The following TRMT11 variants were observed in gnomAD, a reference collection of about 807,000 sequenced individuals.
TRMT11 encodes tRNA (guanine(10)-N(2))-methyltransferase TRMT11.
A neutral mutation model predicts 62.8 loss-of-function variants in TRMT11; 53 were observed. That is an observed-to-expected ratio of 0.84 (90% CI 0.68 to 1.06). TRMT11 has a LOEUF of 1.06. Among genes scored for constraint, TRMT11 ranks in the 50% least tolerant of loss-of-function variants. The probability of loss-of-function intolerance (pLI) is 0.00; values close to 1 mark genes in which losing one functional copy is unlikely to be tolerated. For synonymous variants in TRMT11, 188 were observed against 190.3 expected (o/e 0.99, Z 0.10); for missense variants, 556 against 553.4 (o/e 1.00, Z -0.05).
chr6:126,077,823 A>G (rs1248583304), intron 17 of TRMT11, among the ~76,000 whole-genome samples: 1 of 152,208 alleles, frequency 6.6e-6, no homozygotes, highest in Non-Finnish European at 1.5e-5. Context: ...TCAGTATATT[A>G]TTAATACTAA....
chr6:126,130,239 G>A (rs748472469), intron 21 of TRMT11, among the ~76,000 whole-genome samples: 3 of 152,048 alleles, frequency 2.0e-5, no homozygotes, highest in Admixed American at 1.3e-4. Flanking sequence ...GAACAACAGC[G>A]GGGTCTTTGT....
intron 12 of TRMT11, among the ~76,000 whole-genome samples, chr6:126,032,622 A>G (rs1360681891): frequency 6.6e-6 from 1 of 152,034 alleles, no homozygotes; most frequent in Non-Finnish European, 1.5e-5. Flanking sequence ...CCGCTTCTGG[A>G]TAGGTGTTTC....
intron 12 of TRMT11, among the ~76,000 whole-genome samples, chr6:126,035,616 G>A (rs1364782680): frequency 6.6e-6 from 1 of 152,028 alleles, no homozygotes; most frequent in Non-Finnish European, 1.5e-5. Flanking sequence ...CTTTGCCACC[G>A]TGTCCCCATA....
chr6:126,058,503 T>C (rs564912933), intron 17 of TRMT11, among the ~76,000 whole-genome samples: 12 of 152,316 alleles, frequency 7.9e-5, no homozygotes, highest in African/African-American at 2.6e-4. Flanking sequence ...ATGGTATTTC[T>C]AGTTCTAGAT....
chr6:126,107,136 A>T (rs1363873937), intron 17 of TRMT11, among the ~76,000 whole-genome samples: 1 of 152,154 alleles, frequency 6.6e-6, no homozygotes, highest in Non-Finnish European at 1.5e-5. Context: ...ATTTCTAATT[A>T]CTTCTAAGTG....
At chr6:126,028,904 A>T (rs1351238588) in intron 12 of TRMT11, among the ~76,000 whole-genome samples, 4 of 152,164 alleles carry the variant, frequency 2.6e-5, no homozygotes, top group Admixed American at 2.6e-4. Flanking sequence ...TGGTTCCAGC[A>T]TGTTTTTAAG....
downstream of TRMT11, among the ~76,000 whole-genome samples, chr6:126,039,901 G>T (rs1313641333): frequency 6.6e-6 from 1 of 151,998 alleles, no homozygotes; most frequent in South Asian, 2.1e-4. Flanking sequence ...TGCTGCCCAA[G>T]CAAAGAGACA....
intron 21 of TRMT11, among the ~76,000 whole-genome samples, chr6:126,127,989 T>C (rs1263014017): frequency 2.0e-5 from 3 of 152,080 alleles, no homozygotes; most frequent in Non-Finnish European, 4.4e-5. Context: ...TTTTAAAAAT[T>C]AAAATCACAA....
At chr6:126,024,770 GTCTCC>G (rs1442896457) in intron 12 of TRMT11, among the ~76,000 whole-genome samples, 4 of 152,028 alleles carry the variant, frequency 2.6e-5, no homozygotes, top group African/African-American at 9.7e-5. Flanking sequence ...ATGCTTTTTT[GTCTCC>G]TCTCCTAGTC....
intron 1 of TRMT11, among the ~76,000 whole-genome samples, chr6:126,178,619 A>C (rs1412035349): frequency 6.6e-6 from 1 of 152,206 alleles, no homozygotes. Context: ...CTTATGTGAA[A>C]GACAAGTTGA....
chr6:126,143,142 C>T (rs146655748), intron 21 of TRMT11, among the ~76,000 whole-genome samples: 58 of 152,002 alleles, frequency 3.8e-4, no homozygotes, highest in Non-Finnish European at 7.4e-4. Flanking sequence ...CCACATGTAT[C>T]CTTGGTCATT....
At chr6:126,137,244 G>T (rs1221016814) in intron 21 of TRMT11, among the ~76,000 whole-genome samples, 7 of 151,534 alleles carry the variant, frequency 4.6e-5, no homozygotes, top group Non-Finnish European at 1.0e-4. Context: ...CATCTGAAAA[G>T]GAATTAATAA....
At chr6:126,247,058 G>A in the TRMT11 span, among the ~76,000 whole-genome samples, 3 of 152,184 alleles carry the variant, frequency 2.0e-5, no homozygotes, top group Admixed American at 1.3e-4. Flanking sequence ...GAAGAAGGCA[G>A]TGGCCAGAGG....
chr6:126,127,429 T>C (rs1279983560), intron 21 of TRMT11, among the ~76,000 whole-genome samples: 1 of 152,002 alleles, frequency 6.6e-6, no homozygotes, highest in African/African-American at 2.4e-5. Context: ...AAAGATATAT[T>C]TGGGTTCTGG....
chr6:125,987,442 G>T (rs1186775744), intron 1 of TRMT11, among the ~76,000 whole-genome samples: 1 of 152,232 alleles, frequency 6.6e-6, no homozygotes, highest in Non-Finnish European at 1.5e-5. Flanking sequence ...AAGGGAAGTA[G>T]ATCGAGGCCA....
At chr6:126,102,878 T>C (rs1308910020) in intron 17 of TRMT11, among the ~76,000 whole-genome samples, 1 of 152,224 alleles carries the variant, frequency 6.6e-6, no homozygotes, top group East Asian at 1.9e-4. Context: ...ACCATTACTT[T>C]TCCTGTATTA....
chr6:126,035,519 T>C (rs1775023775), intron 12 of TRMT11, among the ~76,000 whole-genome samples: 2 of 152,140 alleles, frequency 1.3e-5, no homozygotes, highest in African/African-American at 4.8e-5. Context: ...CTCTACTACC[T>C]GGGAAATAAG....
At chr6:126,143,879 G>A (rs1562332815) in intron 21 of TRMT11, among the ~76,000 whole-genome samples, 1 of 152,114 alleles carries the variant, frequency 6.6e-6, no homozygotes, top group African/African-American at 2.4e-5. Context: ...GGATGGGGCC[G>A]CTTGACTCAC....
At chr6:126,211,508 C>T in the TRMT11 span, among the ~76,000 whole-genome samples, 3 of 152,148 alleles carry the variant, frequency 2.0e-5, no homozygotes, top group African/African-American at 7.2e-5. Flanking sequence ...TCTGCATCTA[C>T]TGTGCCCCTT....
Sources: allele counts gnomAD v4.1 joint callset (sites outside exome capture counted in the v4.1 genomes callset), GRCh38; gene constraint gnomAD v4.1.1; transcripts MANE v1.5; gene names NCBI Gene and HGNC (gene_info 2026-07-23, HGNC 2026-07-21).